The following KCNN2 variants were observed in gnomAD, a reference collection of about 807,000 sequenced individuals.
KCNN2 encodes small conductance calcium-activated potassium channel protein 2.
In KCNN2, 24 loss-of-function variants were observed where a neutral mutation model predicts 55.5. That is an observed-to-expected ratio of 0.43 (90% CI 0.31 to 0.61). The LOEUF (loss-of-function observed/expected upper bound fraction) is 0.61, where lower values mean the gene tolerates loss of function less well. Among genes scored for constraint, KCNN2 ranks in the 20% least tolerant of loss-of-function variants. The probability of loss-of-function intolerance (pLI) is 0.08; values close to 1 mark genes in which losing one functional copy is unlikely to be tolerated. For missense variants in KCNN2, 754 were observed against 853.6 expected, an observed-to-expected ratio of 0.88 and a Z score of 1.45; for synonymous variants, 431 against 336.1, an observed-to-expected ratio of 1.28 and a Z score of -3.09.
At chr5:114,195,818 C>T (rs1034672513) in intron 1 of KCNN2, among the ~76,000 whole-genome samples, 1 of 151,906 alleles carries the variant, frequency 6.6e-6, no homozygotes, top group Non-Finnish European at 1.5e-5. Context: ...TGATATTAGC[C>T]GTAGGTTTTT....
At chr5:114,301,029 A>T (rs1270344816) in intron 2 of KCNN2, among the ~76,000 whole-genome samples, 2 of 146,380 alleles carry the variant, frequency 1.4e-5, no homozygotes, top group Admixed American at 7.1e-5. Flanking sequence ...CTTTTCCGAA[A>T]AGTAAAGTTT....
At chr5:114,404,385 C>T in intron 2 of KCNN2, 53 bp from the exon 3 acceptor site, 1 of 1,456,712 alleles carries the variant, frequency 6.9e-7, no homozygotes, top group South Asian at 1.2e-5. Context: ...TGCACTAACA[C>T]TTGTGGACCA....
intron 2 of KCNN2, among the ~76,000 whole-genome samples, chr5:114,338,012 CA>C (rs926426319): frequency 2.0e-5 from 3 of 152,060 alleles, no homozygotes; most frequent in Non-Finnish European, 4.4e-5. Context: ...CATTTTTTGT[CA>C]AAAGCTTTAA....
At chr5:114,170,289 T>G (rs960621825) in intron 1 of KCNN2, among the ~76,000 whole-genome samples, 3 of 152,072 alleles carry the variant, frequency 2.0e-5, no homozygotes, top group African/African-American at 7.2e-5. Flanking sequence ...CACAATATAT[T>G]TTACAACTAA....
intron 2 of KCNN2, among the ~76,000 whole-genome samples, chr5:114,244,070 A>G (rs1754699632): frequency 6.6e-6 from 1 of 152,204 alleles, no homozygotes; most frequent in Admixed American, 6.5e-5. Flanking sequence ...ATATGAATGC[A>G]TGTGAGAATG....
chr5:114,361,649 C>CT (rs1340546624), upstream of KCNN2, among the ~76,000 whole-genome samples: 3 of 55,154 alleles, frequency 5.4e-5, no homozygotes, highest in Non-Finnish European at 1.2e-4. Flanking sequence ...TGAGCCTGCC[C>CT]CCGGCCAAGG....
chr5:114,299,280 A>T (rs987156730), intron 2 of KCNN2, among the ~76,000 whole-genome samples: 2 of 152,110 alleles, frequency 1.3e-5, no homozygotes, highest in Non-Finnish European at 2.9e-5. Flanking sequence ...GGAGCAACTT[A>T]GGTCCGATGG....
chr5:114,294,279 G>T (rs933941764), intron 2 of KCNN2, among the ~76,000 whole-genome samples: 7 of 152,002 alleles, frequency 4.6e-5, no homozygotes, highest in African/African-American at 7.3e-5. Flanking sequence ...TTTTAATTGT[G>T]ATGTTAGGGT....
At chr5:114,157,881 T>G (rs1752672925) in intron 1 of KCNN2, among the ~76,000 whole-genome samples, 1 of 151,826 alleles carries the variant, frequency 6.6e-6, no homozygotes, top group Non-Finnish European at 1.5e-5. Context: ...TTGTTTGAGT[T>G]CATTGTAGAT....
chr5:114,224,053 G>C (rs1170326569), intron 2 of KCNN2, among the ~76,000 whole-genome samples: 1 of 152,186 alleles, frequency 6.6e-6, no homozygotes, highest in Non-Finnish European at 1.5e-5. Flanking sequence ...AAACAGCCTA[G>C]AGGGAAAGTA....
intron 2 of KCNN2, among the ~76,000 whole-genome samples, chr5:114,265,063 C>T (rs1429299102): frequency 6.6e-6 from 1 of 152,056 alleles, no homozygotes; most frequent in East Asian, 1.9e-4. Flanking sequence ...TGGGATAAAG[C>T]ACTTTCTGAG....
chr5:114,365,802 G>C (rs1448160314), intron 2 of KCNN2, among the ~76,000 whole-genome samples: 6 of 152,162 alleles, frequency 3.9e-5, no homozygotes, highest in Non-Finnish European at 7.4e-5. Context: ...TGTTTTGTTT[G>C]GAGGACAGAG....
rs61356539 is a variant in KCNN2, at chr5:114,373,640, T to TTATATATATATA, written c.1218+9646_1218+9657dup. On this transcript the variant is annotated intron_variant, in intron 2 of 7. Coordinates refer to ENST00000673685, the MANE Select transcript of KCNN2 (RefSeq NM_021614.4). The stretch of plus-strand genomic sequence containing the variant: ...CTCTCATGGTGTTGTTATGAAGATT[T>TTATATATATATA]TATATATATATATATATAAAATTAC... Among the ~76,000 whole-genome samples, 217 of 56,710 alleles carry TTATATATATATA rather than the reference T, an allele frequency of 3.8e-3. 49 individuals carry two copies. The highest frequency in any genetic ancestry group is 0.029 in the East Asian group (21 of 736). The allele number at this position is 56,710 out of a possible 152,430, so 37.2% of individuals were successfully genotyped here.
At chr5:114,098,029 T>G (rs556523004) in intron 1 of KCNN2, among the ~76,000 whole-genome samples, 1 of 152,316 alleles carries the variant, frequency 6.6e-6, no homozygotes. Context: ...GCTGGTTCAC[T>G]TCTGGAGGCT....
intron 1 of KCNN2, among the ~76,000 whole-genome samples, chr5:114,184,977 A>G (rs1383302240): frequency 1.3e-5 from 2 of 152,212 alleles, no homozygotes; most frequent in Admixed American, 6.5e-5. Context: ...AAGTAGCCAT[A>G]AATCTACACA....
chr5:114,483,060 A>AG (rs1414029292), intron 5 of KCNN2, among the ~76,000 whole-genome samples: 1 of 152,120 alleles, frequency 6.6e-6, no homozygotes, highest in Admixed American at 6.6e-5. Flanking sequence ...GGAAAAAAAA[A>AG]AAGTCTAGCA....
At chr5:114,125,264 G>A (rs1365544005) in intron 1 of KCNN2, among the ~76,000 whole-genome samples, 1 of 152,196 alleles carries the variant, frequency 6.6e-6, no homozygotes, top group Non-Finnish European at 1.5e-5. Flanking sequence ...ATCTTTAAAA[G>A]TCTTGATGAA....
intron 2 of KCNN2, among the ~76,000 whole-genome samples, chr5:114,319,971 T>C (rs967605227): frequency 6.6e-6 from 1 of 152,210 alleles, no homozygotes; most frequent in African/African-American, 2.4e-5. Context: ...AGACTTCTAT[T>C]TTCAGTTGTC....
At chr5:114,451,567 T>C (rs906356630) in intron 3 of KCNN2, among the ~76,000 whole-genome samples, 5 of 152,260 alleles carry the variant, frequency 3.3e-5, no homozygotes, top group African/African-American at 1.2e-4. Context: ...AATACTCACT[T>C]TGGCATTTTA....
Sources: gnomAD v4.1 joint callset for allele counts (sites outside exome capture counted in the v4.1 genomes callset) on GRCh38, gnomAD v4.1.1 for gene constraint, MANE v1.5 for transcripts, NCBI Gene and HGNC (gene_info 2026-07-23, HGNC 2026-07-21) for gene names.